Variants in FAM117B observed in about 807,000 individuals in gnomAD.
FAM117B encodes protein FAM117B.
In FAM117B, 22 loss-of-function variants were observed where a neutral mutation model predicts 52.8. That is an observed-to-expected ratio of 0.42 (90% CI 0.30 to 0.59). The LOEUF is 0.59. Ranked by LOEUF, FAM117B falls within the 20% of genes least tolerant of loss-of-function variation. The pLI, the probability that FAM117B is intolerant of heterozygous loss-of-function variation, is 0.22. For missense variants in FAM117B, 678 were observed against 802.6 expected, an observed-to-expected ratio of 0.84 and a Z score of 1.88; for synonymous variants, 309 against 324.1, an observed-to-expected ratio of 0.95 and a Z score of 0.50.
At chr2:202,701,094 G>A (rs1285794664) in intron 2 of FAM117B, among the ~76,000 whole-genome samples, 1 of 152,168 alleles carries the variant, frequency 6.6e-6, no homozygotes, top group Admixed American at 6.5e-5. Context: ...TTAAGGAACA[G>A]GCCAACTCTC....
chr2:202,759,404 T>C lies in FAM117B; in HGVS notation c.1451+51T>C, dbSNP rs758849292. The C allele has an allele frequency of 9.5e-6, 15 of 1,587,262 alleles. No homozygotes were observed. The South Asian group carries it at 1.6e-4, about 17-fold the overall frequency. On this transcript the variant is annotated intron_variant, in intron 7 of 7. Coordinates refer to ENST00000392238, the MANE Select transcript of FAM117B (RefSeq NM_173511.4). ...CAAAAAAACTATTATGAGCTTTTTT[T>C]TTTGAGATAGGATCTCACTCTGTCA...
At chr2:202,640,037 AG>A (rs1689741953) in intron 1 of FAM117B, among the ~76,000 whole-genome samples, 1 of 151,922 alleles carries the variant, frequency 6.6e-6, no homozygotes. Flanking sequence ...TGGGAGGCCA[AG>A]GTGGGTGGAT....
Position 202,635,399 on chromosome 2 carries a change from G to T in FAM117B, c.212G>T (p.Gly71Val). ...GGCAACAACAACGGTGGCTGCTGTG[G>T]TGGCGCCTCAGGCCCCGCAGGCGGC... is the stretch of plus-strand genomic sequence containing the variant. ...GGGNNNGGCC[G>V]GASGPAGGGG... Residue 71 changes from glycine (G) to valine (V), a missense_variant, in exon 1 of 8, where the codon GGT (glycine) becomes GTT (valine). Gly to Val is a moderately radical substitution (Grantham distance 109). This residue lies in a region of FAM117B where 583 missense variants were observed against 644.8 expected (regional missense o/e 0.90). Coordinates refer to ENST00000392238, the MANE Select transcript of FAM117B (RefSeq NM_173511.4). 7.7e-7 allele frequency: 1 copy of T among 1,293,954 alleles called. No individual in the cohort carries two copies. 80.2% of individuals were successfully genotyped at this position (1,293,954 alleles called of 1,614,324 possible). A position where few individuals can be genotyped will look rare whatever the true frequency, so the allele number is the denominator to read the frequency against.
chr2:202,649,732 A>T (rs1161144111), intron 1 of FAM117B, among the ~76,000 whole-genome samples: 1 of 151,888 alleles, frequency 6.6e-6, no homozygotes, highest in Non-Finnish European at 1.5e-5. Flanking sequence ...TTGTGTTTTT[A>T]GTAAAGACGG....
At chr2:202,694,267 T>G (rs1690676361) in intron 1 of FAM117B, among the ~76,000 whole-genome samples, 1 of 146,956 alleles carries the variant, frequency 6.8e-6, no homozygotes, top group Non-Finnish European at 1.5e-5. Flanking sequence ...CTTGGCTCAC[T>G]GCAACCTCCA....
In FAM117B at chr2:202,765,886, C is replaced by T. The variant is rs1003626380; in HGVS notation, c.*122C>T. The T allele has an allele frequency of 1.0e-5, 11 of 1,047,968 alleles. 1 individual carries two copies. Among genetic ancestry groups the T allele is most frequent in the African/African-American group, 4.8e-5 (3 of 62,106 alleles). 64.9% of individuals were successfully genotyped at this position (1,047,968 alleles called of 1,614,324 possible). A position where few individuals can be genotyped will look rare whatever the true frequency, so the allele number is the denominator to read the frequency against. ...GCTCCAGCTTTCCAGTGACATGTGACGGCGAGGCTTCTGGAAGAAAGGATC... is the reference window on the plus strand; with the variant it reads ...GCTCCAGCTTTCCAGTGACATGTGATGGCGAGGCTTCTGGAAGAAAGGATC... On this transcript the variant is annotated 3_prime_UTR_variant, in exon 8 of 8. Coordinates refer to ENST00000392238, the MANE Select transcript of FAM117B (RefSeq NM_173511.4).
At chr2:202,674,350 A>G (rs1690345225) in intron 1 of FAM117B, among the ~76,000 whole-genome samples, 1 of 152,220 alleles carries the variant, frequency 6.6e-6, no homozygotes, top group Non-Finnish European at 1.5e-5. Flanking sequence ...CTCCGTACAT[A>G]TATGTTTTCA....
At chr2:202,762,933 G>A (rs1691917391) in intron 7 of FAM117B, among the ~76,000 whole-genome samples, 1 of 151,742 alleles carries the variant, frequency 6.6e-6, no homozygotes, top group Non-Finnish European at 1.5e-5. Context: ...AAAGCAGCAA[G>A]GAAGTTACAT....
intron 2 of FAM117B, among the ~76,000 whole-genome samples, chr2:202,696,788 A>C: frequency 6.6e-6 from 1 of 152,210 alleles, no homozygotes; most frequent in Non-Finnish European, 1.5e-5. Flanking sequence ...ATTCAGGGCC[A>C]GGCGGGATGG....
intron 1 of FAM117B, among the ~76,000 whole-genome samples, chr2:202,694,934 A>C (rs1690688459): frequency 6.6e-6 from 1 of 152,212 alleles, no homozygotes. Context: ...ATTTAGTGAA[A>C]GATTGTCACT....
chr2:202,699,449 GAAAAAAAAAAAA>G (rs59522030), intron 2 of FAM117B, among the ~76,000 whole-genome samples: 1 of 100,032 alleles, frequency 1.0e-5, no homozygotes, highest in African/African-American at 3.9e-5. Context: ...AAAAAAAAAA[GAAAAAAAAAAAA>G]AAAGAAAGAA....
Position 202,755,684 on chromosome 2 carries a change from A to G in FAM117B, c.1104+3A>G. On this transcript the variant is annotated splice_donor_region_variant and intron_variant, in intron 5 of 7. Coordinates refer to ENST00000392238, the MANE Select transcript of FAM117B (RefSeq NM_173511.4). Reference sequence around the variant, plus strand: ...GGGAAAAGGAAGAGCAACTTATAGTAAGTGATCTTGTATCTTAAAATCATT... The same window carrying G: ...GGGAAAAGGAAGAGCAACTTATAGTGAGTGATCTTGTATCTTAAAATCATT... 1 of 1,611,262 alleles carries G rather than the reference A, an allele frequency of 6.2e-7. No individual in the cohort carries two copies.
chr2:202,753,462 T>A (rs2105798401), intron 4 of FAM117B, among the ~76,000 whole-genome samples: 1 of 152,202 alleles, frequency 6.6e-6, no homozygotes. Flanking sequence ...GGGCAAAGAC[T>A]TCATGACAAA....
intron 1 of FAM117B, among the ~76,000 whole-genome samples, chr2:202,651,307 C>T (rs999003650): frequency 6.6e-6 from 1 of 151,712 alleles, no homozygotes; most frequent in African/African-American, 2.4e-5. Context: ...GGTGATCTGC[C>T]TATCTCAGCC....
intron 1 of FAM117B, among the ~76,000 whole-genome samples, chr2:202,636,602 C>T (rs1689690952): frequency 6.6e-6 from 1 of 152,114 alleles, no homozygotes; most frequent in South Asian, 2.1e-4. Flanking sequence ...AAGAGTAACT[C>T]AAAAGAGAAA....
At chr2:202,683,630 T>C (rs79751230) in intron 1 of FAM117B, among the ~76,000 whole-genome samples, 13,680 of 152,138 alleles carry the variant, frequency 0.09, 2,070 homozygotes, top group African/African-American at 0.31. Flanking sequence ...AATAGAAAAC[T>C]TGAATATCCC....
chr2:202,668,053 A>AAT (rs1026789190), intron 1 of FAM117B, among the ~76,000 whole-genome samples: 46 of 147,144 alleles, frequency 3.1e-4, no homozygotes, highest in African/African-American at 1.0e-3. Context: ...CCATCTTTAA[A>AAT]ATATATATAT....
chr2:202,660,277 G>A (rs1690109669), intron 1 of FAM117B, among the ~76,000 whole-genome samples: 1 of 151,878 alleles, frequency 6.6e-6, no homozygotes, highest in Admixed American at 6.6e-5. Flanking sequence ...GAGACTCTGA[G>A]TCCTATTTAA....
At position 202,646,031 on chromosome 2, in the gene FAM117B, G is replaced by GT. The variant is rs774262277; in HGVS notation, c.601+10256dup. Among the ~76,000 whole-genome samples the GT allele has an allele frequency of 9.0e-3, 1,243 of 137,646 alleles. 12 individuals are homozygous for GT. Among genetic ancestry groups the GT allele is most frequent in the African/African-American group, 0.023 (867 of 38,232 alleles). The allele number at this position is 137,646 out of a possible 152,430, so 90.3% of individuals were successfully genotyped here. ...TCCTGTTAATGCCTAAAAGTTTTTT[G>GT]TTTTTTTTTTTTTGAGATGGAGTCT... On this transcript the variant is annotated intron_variant, in intron 1 of 7. Coordinates refer to ENST00000392238, the MANE Select transcript of FAM117B (RefSeq NM_173511.4).
Sources: allele counts gnomAD v4.1 joint callset (sites outside exome capture counted in the v4.1 genomes callset), GRCh38; gene constraint gnomAD v4.1.1; regional missense constraint gnomAD v4.1.1; transcripts MANE v1.5; gene names NCBI Gene and HGNC (gene_info 2026-07-23, HGNC 2026-07-21).